The following RAB5IF variants were observed in gnomAD, a reference collection of about 807,000 sequenced individuals.
RAB5IF encodes RAB5 interacting factor, also known as GEL complex subunit OPTI.
RAB5IF carries 15 observed loss-of-function variants against 20.3 expected under a neutral mutation model. The ratio of observed to expected loss-of-function variants is 0.74; its 90% CI spans 0.50 to 1.14. The LOEUF is 1.14. RAB5IF is among the 50% of genes most tolerant of loss of function. The pLI is 0.00. For synonymous variants in RAB5IF, 67 were observed against 63.7 expected (o/e 1.05, Z -0.25); for missense variants, 148 against 159.5 (o/e 0.93, Z 0.39).
At chr20:36,607,964 C>T in intron 2 of RAB5IF, 146 bp downstream of exon 2, 1 of 1,505,258 alleles carries the variant, frequency 6.6e-7, no homozygotes, top group Non-Finnish European at 8.9e-7. Context: ...CAGTGGCACT[C>T]CTGGGTCTGG....
rs924171336 is a variant in RAB5IF at position 36,612,402 on chromosome 20, G to A, written c.*351G>A. On this transcript the variant is annotated 3_prime_UTR_variant, in exon 4 of 4. Coordinates refer to ENST00000344795, the MANE Select transcript of RAB5IF (RefSeq NM_018840.5). ...ATTGTCTTCCTCGATTCTCCATCGGGTGTAGAGTTTTTAAACTATCAATGG... is the reference window on the plus strand; with the variant it reads ...ATTGTCTTCCTCGATTCTCCATCGGATGTAGAGTTTTTAAACTATCAATGG... 2 of 650,030 alleles carry A rather than the reference G, an allele frequency of 3.1e-6. No homozygotes were observed. Among genetic ancestry groups the A allele is most frequent in the Non-Finnish European group, 5.3e-6 (2 of 376,636 alleles). The allele number at this position is 650,030 out of a possible 1,614,324, so 40.3% of individuals were successfully genotyped here.
At position 36,609,215 on chromosome 20, in the gene RAB5IF, A is replaced by G. The variant is rs577060609; in HGVS notation, c.219-386A>G. On this transcript the variant is annotated intron_variant, in intron 2 of 3. Transcript: ENST00000344795. ...CACACGCACACACGCACACACGCAC[A>G]CACGCACACACACACACACACACAC... Among the ~76,000 whole-genome samples the G allele has an allele frequency of 7.8e-4, 60 of 77,280 alleles. 4 individuals carry two copies. Among genetic ancestry groups the G allele is most frequent in the Middle Eastern group, 0.012 (2 of 170 alleles). 50.7% of individuals were successfully genotyped at this position (77,280 alleles called of 152,430 possible). A position where few individuals can be genotyped will look rare whatever the true frequency, so the allele number is the denominator to read the frequency against.
intron 3 of RAB5IF, among the ~76,000 whole-genome samples, chr20:36,610,348 C>G (rs1306852346): frequency 1.3e-5 from 2 of 152,056 alleles, no homozygotes; most frequent in African/African-American, 2.4e-5. Context: ...AAATGACCAT[C>G]ACTTGATGAA....
Position 36,605,790 on chromosome 20 carries a change from G to A in RAB5IF, c.-162G>A, listed in dbSNP as rs781712019. On this transcript the variant is annotated 5_prime_UTR_variant, in exon 1 of 4. Transcript: ENST00000344795. ...GCGGCGCCTGCTCTGTAGAGCCGGC[G>A]GAACCGGGTAGCTTGGCCAGGTTGT... The A allele has an allele frequency of 2.2e-5, 9 of 400,170 alleles. No homozygotes were observed. Among genetic ancestry groups the A allele is most frequent in the Non-Finnish European group, 4.0e-5 (9 of 227,670 alleles). The allele number at this position is 400,170 out of a possible 1,614,324, so 24.8% of individuals were successfully genotyped here.
intron 2 of RAB5IF, among the ~76,000 whole-genome samples, chr20:36,609,187 A>C (rs546786751): frequency 1.9e-5 from 1 of 52,728 alleles, no homozygotes; most frequent in African/African-American, 8.6e-5. Context: ...ACACACACAC[A>C]CACACACGCA....
At chr20:36,609,033 G>T (rs1227330515) in intron 2 of RAB5IF, among the ~76,000 whole-genome samples, 2 of 151,790 alleles carry the variant, frequency 1.3e-5, no homozygotes, top group Admixed American at 6.6e-5. Flanking sequence ...CGAAGCAGCA[G>T]CTTCACATGT....
intron 2 of RAB5IF, among the ~76,000 whole-genome samples, chr20:36,608,700 A>G (rs1009282083): frequency 6.6e-6 from 1 of 151,306 alleles, no homozygotes; most frequent in African/African-American, 2.4e-5. Context: ...AGTAGCTGGG[A>G]CTACAGGTGT....
chr20:36,608,757 G>T (rs1414501397), intron 2 of RAB5IF, among the ~76,000 whole-genome samples: 9 of 151,630 alleles, frequency 5.9e-5, no homozygotes, highest in Non-Finnish European at 1.2e-4. Context: ...TAGCGACGGG[G>T]TTTCGCCATG....
Position 36,612,126 on chromosome 20 carries a change from G to A in RAB5IF, c.*75G>A. ...ATTACAGCACAGGAACTTGATCGTT[G>A]GGGAACCCCAGCCCCTTGGAACTTG... On this transcript the variant is annotated 3_prime_UTR_variant, in exon 4 of 4. Coordinates refer to ENST00000344795, the MANE Select transcript of RAB5IF (RefSeq NM_018840.5). 6.2e-7 allele frequency: 1 copy of A among 1,614,168 alleles called. No individual in the cohort carries two copies. Among genetic ancestry groups the A allele is most frequent in the Non-Finnish European group, 8.5e-7 (1 of 1,180,022 alleles).
chr20:36,607,648 T>C (rs878998493), intron 1 of RAB5IF, 67 bp from the exon 2 acceptor site: 3 of 1,585,754 alleles, frequency 1.9e-6, no homozygotes, highest in South Asian at 2.2e-5. Context: ...AGGTTTAATA[T>C]TCTCCCCTTT....
Position 36,606,077 on chromosome 20 carries a change from T to C in RAB5IF, c.114+12T>C. On this transcript the variant is annotated intron_variant, in intron 1 of 3. Transcript: ENST00000344795. ...CCTGGGAGGATAAGGTACGGTGGAG[T>C]CTGAACAGGGCGCGGGTGCGAGGAG... The C allele has an allele frequency of 1.4e-6, 2 of 1,419,122 alleles. No homozygotes were observed. The highest frequency in any genetic ancestry group is 1.9e-6 in the Non-Finnish European group (2 of 1,064,388). 87.9% of individuals were successfully genotyped at this position (1,419,122 alleles called of 1,614,324 possible). A position where few individuals can be genotyped will look rare whatever the true frequency, so the allele number is the denominator to read the frequency against.
At chr20:36,608,845 A>G (rs1309963324) in intron 2 of RAB5IF, among the ~76,000 whole-genome samples, 1 of 151,604 alleles carries the variant, frequency 6.6e-6, no homozygotes, top group Non-Finnish European at 1.5e-5. Flanking sequence ...GATTATAGGC[A>G]TGAGCCACCA....
intron 2 of RAB5IF, among the ~76,000 whole-genome samples, chr20:36,609,156 T>TACACACACGCACACACAC (rs2039012713): frequency 5.9e-5 from 1 of 17,052 alleles, no homozygotes; most frequent in Non-Finnish European, 1.1e-4. Context: ...AGAACTATAT[T>TACACACACGCACACACAC]ACACACACAC....
chr20:36,612,300 A>T lies in RAB5IF; in HGVS notation c.*249A>T. The T allele has an allele frequency of 7.5e-7, 1 of 1,341,078 alleles. No individual in the cohort carries two copies. The allele number at this position is 1,341,078 out of a possible 1,614,324, so 83.1% of individuals were successfully genotyped here. A position where few individuals can be genotyped will look rare whatever the true frequency, so the allele number is the denominator to read the frequency against. ...CACCAACCATTTCTTCTTGGATACC[A>T]TCAAGTAACAGCTATTATTTGCCAA... On this transcript the variant is annotated 3_prime_UTR_variant, in exon 4 of 4. Coordinates refer to ENST00000344795, the MANE Select transcript of RAB5IF (RefSeq NM_018840.5).
intron 2 of RAB5IF, among the ~76,000 whole-genome samples, chr20:36,608,984 T>C (rs539216598): frequency 6.6e-6 from 1 of 151,212 alleles, no homozygotes; most frequent in South Asian, 2.1e-4. Context: ...CCACTGGGAG[T>C]TATACAGGGG....
At chr20:36,607,872 CT>C in intron 2 of RAB5IF, 54 bp downstream of exon 2, 4 of 1,605,344 alleles carry the variant, frequency 2.5e-6, no homozygotes, top group South Asian at 1.1e-5. Flanking sequence ...TAAATAGAGG[CT>C]TTTTTTCCTG....
At chr20:36,606,773 A>G (rs1048036022) in intron 1 of RAB5IF, among the ~76,000 whole-genome samples, 7 of 152,056 alleles carry the variant, frequency 4.6e-5, no homozygotes, top group African/African-American at 1.7e-4. Flanking sequence ...ATGCTTCGTA[A>G]CTCTGCTCCA....
chr20:36,609,155 T>TTACATACATACATATA lies in RAB5IF; in HGVS notation c.219-442_219-441insTACATACATATATACA, dbSNP rs1391305214. On this transcript the variant is annotated intron_variant, in intron 2 of 3. Coordinates refer to ENST00000344795, the MANE Select transcript of RAB5IF (RefSeq NM_018840.5). ...CTTCAAGGGGCTTTGGAGAACTATA[T>TTACATACATACATATA]TACACACACACACACACACACACAC... 5.2e-4 allele frequency among the ~76,000 whole-genome samples: 13 copies of TTACATACATACATATA among 25,216 alleles called. 1 individual carries two copies. Among genetic ancestry groups the TTACATACATACATATA allele is most frequent in the Admixed American group, 1.8e-3 (4 of 2,224 alleles). The allele number at this position is 25,216 out of a possible 152,430, so 16.5% of individuals were successfully genotyped here.
intron 3 of RAB5IF, among the ~76,000 whole-genome samples, chr20:36,610,750 A>G (rs1247818271): frequency 6.6e-6 from 1 of 152,202 alleles, no homozygotes; most frequent in African/African-American, 2.4e-5. Flanking sequence ...ACATGGATGA[A>G]CCTTAAAACA....
Sources: allele counts gnomAD v4.1 joint callset (sites outside exome capture counted in the v4.1 genomes callset), GRCh38; gene constraint gnomAD v4.1.1; transcripts MANE v1.5; gene names NCBI Gene and HGNC (gene_info 2026-07-23, HGNC 2026-07-21).